PTGFR: variants seen among roughly 807,000 people sequenced by gnomAD.
PTGFR encodes prostaglandin F2-alpha receptor.
A neutral mutation model predicts 26.2 loss-of-function variants in PTGFR; 15 were observed. The ratio of observed to expected loss-of-function variants is 0.57; its 90% CI spans 0.38 to 0.88. The LOEUF (loss-of-function observed/expected upper bound fraction) is 0.88. PTGFR is among the 40% of genes least tolerant of loss of function. The probability of loss-of-function intolerance (pLI) is 0.00; values close to 1 mark genes in which losing one functional copy is unlikely to be tolerated. For missense variants in PTGFR, 369 were observed against 427.2 expected, an observed-to-expected ratio of 0.86 and a Z score of 1.20; for synonymous variants, 165 against 151.1, an observed-to-expected ratio of 1.09 and a Z score of -0.68.
chr1:78,527,395 T>A (rs1483020885), intron 2 of PTGFR, among the ~76,000 whole-genome samples: 1 of 152,138 alleles, frequency 6.6e-6, no homozygotes, highest in Non-Finnish European at 1.5e-5. Flanking sequence ...TACTGCAATT[T>A]TTTCATTATC....
chr1:78,518,132 TA>T (rs1357726395), intron 2 of PTGFR, among the ~76,000 whole-genome samples: 1 of 151,980 alleles, frequency 6.6e-6, no homozygotes, highest in Non-Finnish European at 1.5e-5. Context: ...TAGAATAAAT[TA>T]AAAAAAGAAA....
chr1:78,509,837 T>G (rs1221503260), intron 2 of PTGFR, among the ~76,000 whole-genome samples: 3 of 152,228 alleles, frequency 2.0e-5, no homozygotes, highest in Non-Finnish European at 4.4e-5. Flanking sequence ...GCAAGCTATT[T>G]TATGTTTGGT....
At chr1:78,517,881 G>A (rs1045596482) in intron 2 of PTGFR, among the ~76,000 whole-genome samples, 2 of 152,120 alleles carry the variant, frequency 1.3e-5, no homozygotes, top group African/African-American at 2.4e-5. Context: ...GTTTTATTTC[G>A]GAAATTTTTT....
rs184748178 is a variant in PTGFR at position 78,491,180 on chromosome 1, C to A, written c.-129C>A. The A allele has an allele frequency of 1.3e-5, 2 of 152,472 alleles. No homozygotes were observed. The highest frequency in any genetic ancestry group is 3.9e-4 in the East Asian group (2 of 5,176). 9.4% of individuals were successfully genotyped at this position (152,472 alleles called of 1,614,324 possible). On this transcript the variant is annotated 5_prime_UTR_variant, in exon 1 of 3. Transcript: ENST00000370757. ...GGCGGCGCGGGGCGCCATGGCACAC[C>A]GAGCGGCTCCGTCTTCTGCTCCTCA... is the stretch of plus-strand genomic sequence containing the variant.
intron 2 of PTGFR, among the ~76,000 whole-genome samples, chr1:78,523,352 C>T (rs1384308951): frequency 6.6e-6 from 1 of 152,050 alleles, no homozygotes; most frequent in African/African-American, 2.4e-5. Context: ...CCAGAAATCT[C>T]ATTTACTTTT....
intron 2 of PTGFR, among the ~76,000 whole-genome samples, chr1:78,536,107 G>C (rs1650645481): frequency 6.6e-6 from 1 of 152,110 alleles, no homozygotes; most frequent in Admixed American, 6.6e-5. Flanking sequence ...ATTCTCAGAA[G>C]TATGAGAAGG....
intron 2 of PTGFR, among the ~76,000 whole-genome samples, chr1:78,515,892 A>G (rs1650081005): frequency 6.6e-6 from 1 of 152,174 alleles, no homozygotes; most frequent in Non-Finnish European, 1.5e-5. Context: ...AGGATCCTTT[A>G]GAATCCTTTC....
intron 2 of PTGFR, among the ~76,000 whole-genome samples, chr1:78,521,206 C>T (rs1216823813): frequency 6.6e-6 from 1 of 152,084 alleles, no homozygotes; most frequent in Admixed American, 6.6e-5. Context: ...CATTCCTTTT[C>T]CCCCGATTAT....
chr1:78,514,054 G>C (rs1039930539), intron 2 of PTGFR, among the ~76,000 whole-genome samples: 2 of 152,262 alleles, frequency 1.3e-5, no homozygotes, highest in African/African-American at 4.8e-5. Flanking sequence ...CCCCCACAGA[G>C]AGTCTCTTCT....
rs35641651 is a variant in PTGFR at position 78,524,906 on chromosome 1, ATTTTTTTTTTTTT to A, written c.799-11478_799-11466del. Among the ~76,000 whole-genome samples, 214 of 70,548 alleles carry A rather than the reference ATTTTTTTTTTTTT, an allele frequency of 3.0e-3. 1 individual carries two copies. The highest frequency in any genetic ancestry group is 6.3e-3 in the African/African-American group (127 of 20,114). The allele number at this position is 70,548 out of a possible 152,430, so 46.3% of individuals were successfully genotyped here. A position where few individuals can be genotyped will look rare whatever the true frequency, so the allele number is the denominator to read the frequency against. On this transcript the variant is annotated intron_variant, in intron 2 of 2. Transcript: ENST00000370757. ...GCTCTACACTTTGGACAAATGCAAG[ATTTTTTTTTTTTT>A]TTTTTTTTTTTTTTTTTTTTTACTG...
chr1:78,501,716 G>T (rs942325429), intron 2 of PTGFR, among the ~76,000 whole-genome samples: 31 of 152,150 alleles, frequency 2.0e-4, no homozygotes, highest in Non-Finnish European at 2.4e-4. Flanking sequence ...CTTCCTTTGA[G>T]AATAGTGTAG....
chr1:78,492,864 A>C lies in PTGFR; in HGVS notation c.121A>C (p.Ile41Leu), dbSNP rs764956781. The C allele has an allele frequency of 7.4e-6, 12 of 1,614,122 alleles. No individual in the cohort carries two copies. In the South Asian group the frequency reaches 1.3e-4, roughly 18 times the overall value. The part of the protein sequence containing the change: ...FFSVIFMTVG[I>L]LSNSLAIAIL... ...TTCAGTAATCTTCATGACAGTGGGA[A>C]TCTTGTCAAACAGCCTTGCCATCGC... The change falls in exon 2 of 3, where the codon ATC becomes CTC. Residue 41 changes from isoleucine (I) to leucine (L), a missense_variant. Ile to Leu is a conservative substitution (Grantham distance 5). Coordinates refer to ENST00000370757, the MANE Select transcript of PTGFR (RefSeq NM_000959.4).
intron 2 of PTGFR, among the ~76,000 whole-genome samples, chr1:78,510,980 A>G (rs1336487747): frequency 6.6e-6 from 1 of 152,238 alleles, no homozygotes; most frequent in African/African-American, 2.4e-5. Flanking sequence ...TCCCACACTC[A>G]GGGCACGCCA....
chr1:78,513,199 T>C (rs1343921563), intron 2 of PTGFR, among the ~76,000 whole-genome samples: 1 of 152,168 alleles, frequency 6.6e-6, no homozygotes, highest in Non-Finnish European at 1.5e-5. Flanking sequence ...TGGAAGAATT[T>C]GGAGGGCTCA....
chr1:78,530,248 G>A (rs1650471480), intron 2 of PTGFR, among the ~76,000 whole-genome samples: 1 of 152,148 alleles, frequency 6.6e-6, no homozygotes, highest in East Asian at 1.9e-4. Context: ...TCATTGTTTT[G>A]ACAGCCATCC....
At chr1:78,514,359 T>C (rs556102945) in intron 2 of PTGFR, among the ~76,000 whole-genome samples, 3 of 152,046 alleles carry the variant, frequency 2.0e-5, no homozygotes, top group South Asian at 2.1e-4. Flanking sequence ...GGAGATTCAT[T>C]CAGGAGCTTT....
rs377667201 is a variant in PTGFR at position 78,497,932 on chromosome 1, A to G, written c.798+4391A>G. 5 of 1,587,898 alleles carry G rather than the reference A, an allele frequency of 3.1e-6. No homozygotes were observed. In the African/African-American group the frequency reaches 6.7e-5, roughly 21 times the overall value. On this transcript the variant is annotated intron_variant, in intron 2 of 2. Transcript: ENST00000370757. ...TATAAAGTATATGAAGAGCAAAGTGATTTCTTACATAGGTGAGTTTACCCA... is the reference window on the plus strand; with the variant it reads ...TATAAAGTATATGAAGAGCAAAGTGGTTTCTTACATAGGTGAGTTTACCCA...
chr1:78,516,162 C>G (rs916749277), intron 2 of PTGFR, among the ~76,000 whole-genome samples: 4 of 152,094 alleles, frequency 2.6e-5, no homozygotes, highest in African/African-American at 9.7e-5. Flanking sequence ...AGACAAGATT[C>G]TAAGTGCTTT....
In PTGFR at chr1:78,539,282, A is replaced by G. The variant is rs557963118; in HGVS notation, c.*2595A>G. On this transcript the variant is annotated 3_prime_UTR_variant, in exon 3 of 3. Transcript: ENST00000370757. ...TATGTGATAAATGTTTCTTGTTTGC[A>G]CACTTTTGGACTTGAGAAATCTGCT... The G allele has an allele frequency of 7.2e-5, 11 of 152,188 alleles. No homozygotes were observed. The East Asian group carries it at 2.1e-3, about 29-fold the overall frequency. 9.4% of individuals were successfully genotyped at this position (152,188 alleles called of 1,614,324 possible).
Sources: gnomAD v4.1 joint callset for allele counts (sites outside exome capture counted in the v4.1 genomes callset) on GRCh38, gnomAD v4.1.1 for gene constraint, MANE v1.5 for transcripts, NCBI Gene and HGNC (gene_info 2026-07-23, HGNC 2026-07-21) for gene names.